Variants in PPARGC1A observed in about 807,000 individuals in gnomAD.
PPARGC1A encodes the protein peroxisome proliferator-activated receptor gamma coactivator 1-alpha.
In PPARGC1A, 25 loss-of-function variants were observed where a neutral mutation model predicts 88.7. The observed-to-expected ratio is 0.28, with a 90% CI of 0.21 to 0.39. PPARGC1A has a LOEUF of 0.39. Ranked by LOEUF, PPARGC1A falls within the 10% of genes least tolerant of loss-of-function variation. PPARGC1A has a pLI of 1.00. For synonymous variants in PPARGC1A, 363 were observed against 355.6 expected (o/e 1.02, Z -0.24); for missense variants, 880 against 968.7 (o/e 0.91, Z 1.22).
At chr4:24,357,159 C>T in the PPARGC1A span, among the ~76,000 whole-genome samples, 3 of 152,222 alleles carry the variant, frequency 2.0e-5, no homozygotes, top group African/African-American at 4.8e-5. Flanking sequence ...ACACACCTTA[C>T]ACTGGTTTCC....
chr4:24,277,027 A>G, the PPARGC1A span, among the ~76,000 whole-genome samples: 1 of 152,172 alleles, frequency 6.6e-6, no homozygotes, highest in Non-Finnish European at 1.5e-5. Flanking sequence ...AGGTCCAAAC[A>G]GGGATACCTT....
At chr4:24,387,774 A>G in the PPARGC1A span, among the ~76,000 whole-genome samples, 7,617 of 64,158 alleles carry the variant, frequency 0.12, 354 homozygotes, top group East Asian at 0.17. Context: ...GAGAGAAAGA[A>G]AGAAAGAAAG....
chr4:24,068,586 AG>A, the PPARGC1A span, among the ~76,000 whole-genome samples: 1 of 152,170 alleles, frequency 6.6e-6, no homozygotes, highest in African/African-American at 2.4e-5. Context: ...CACCACATTC[AG>A]GGTTTGTGTG....
the PPARGC1A span, among the ~76,000 whole-genome samples, chr4:24,013,535 G>A: frequency 6.6e-6 from 1 of 152,016 alleles, no homozygotes; most frequent in African/African-American, 2.4e-5. Flanking sequence ...ACCTCCCTGA[G>A]GCATGGTTTA....
chr4:24,115,896 CCA>C, the PPARGC1A span, among the ~76,000 whole-genome samples: 1 of 152,026 alleles, frequency 6.6e-6, no homozygotes, highest in African/African-American at 2.4e-5. Context: ...TTATTCAATT[CCA>C]ATCAAGAACA....
the PPARGC1A span, among the ~76,000 whole-genome samples, chr4:24,472,773 C>A: frequency 6.6e-6 from 1 of 151,862 alleles, no homozygotes; most frequent in African/African-American, 2.4e-5. This position sits in a 1 kb window ranked among gnomAD's most constrained non-coding sequence, Gnocchi z 4.5. Context: ...TGCGTGTGTG[C>A]GCGCGTGTGT....
chr4:24,000,270 A>G, the PPARGC1A span, among the ~76,000 whole-genome samples: 1 of 152,130 alleles, frequency 6.6e-6, no homozygotes, highest in East Asian at 1.9e-4. Flanking sequence ...TCCCTCTGAC[A>G]TGAATCTCAG....
At chr4:23,956,212 C>T in the PPARGC1A span, among the ~76,000 whole-genome samples, 3 of 152,074 alleles carry the variant, frequency 2.0e-5, no homozygotes, top group African/African-American at 7.2e-5. Context: ...TCAATACCTG[C>T]TCCAGACTCC....
At chr4:23,860,159 C>A in intron 2 of PPARGC1A, among the ~76,000 whole-genome samples, 1 of 151,936 alleles carries the variant, frequency 6.6e-6, no homozygotes, top group Non-Finnish European at 1.5e-5. Context: ...GTAGTCCTAG[C>A]TATATGGAAG....
chr4:24,296,157 T>A, the PPARGC1A span, among the ~76,000 whole-genome samples: 1 of 150,584 alleles, frequency 6.6e-6, no homozygotes, highest in Admixed American at 6.6e-5. Flanking sequence ...CACGATAGCT[T>A]CCCAACTATA....
chr4:24,112,611 A>G, the PPARGC1A span, among the ~76,000 whole-genome samples: 1 of 152,230 alleles, frequency 6.6e-6, no homozygotes, highest in Non-Finnish European at 1.5e-5. Flanking sequence ...AAAAAGAAAT[A>G]GACAACATCA....
the PPARGC1A span, among the ~76,000 whole-genome samples, chr4:24,213,464 C>A: frequency 2.0e-5 from 3 of 152,164 alleles, no homozygotes; most frequent in African/African-American, 7.2e-5. Flanking sequence ...CCGCGCCCGG[C>A]CGATTCTTTT....
the PPARGC1A span, among the ~76,000 whole-genome samples, chr4:24,414,016 C>T: frequency 6.6e-6 from 1 of 152,134 alleles, no homozygotes; most frequent in South Asian, 2.1e-4. Context: ...CTCGAACCCA[C>T]GGTTGTCGGT....
At chr4:24,262,106 A>G in the PPARGC1A span, among the ~76,000 whole-genome samples, 1 of 151,760 alleles carries the variant, frequency 6.6e-6, no homozygotes, top group Admixed American at 6.6e-5. Flanking sequence ...CCCAACCCCC[A>G]CCAAGTCACC....
the PPARGC1A span, among the ~76,000 whole-genome samples, chr4:24,340,479 C>G: frequency 0.19 from 28,267 of 152,008 alleles, 2,751 homozygotes; most frequent in South Asian, 0.24. Flanking sequence ...GTATAGTACT[C>G]TATTTAATTA....
At chr4:24,261,336 C>T in the PPARGC1A span, among the ~76,000 whole-genome samples, 1 of 152,132 alleles carries the variant, frequency 6.6e-6, no homozygotes, top group Non-Finnish European at 1.5e-5. Flanking sequence ...GCTCAATCTT[C>T]AGAGCCTCTG....
the PPARGC1A span, among the ~76,000 whole-genome samples, chr4:24,262,489 T>C: frequency 6.6e-6 from 1 of 152,108 alleles, no homozygotes; most frequent in Non-Finnish European, 1.5e-5. Flanking sequence ...ACACATCAAT[T>C]TTTTTAACTT....
At chr4:23,981,015 T>C in the PPARGC1A span, among the ~76,000 whole-genome samples, 5 of 152,060 alleles carry the variant, frequency 3.3e-5, no homozygotes, top group African/African-American at 1.2e-4. Context: ...TTTTCTAATA[T>C]GTAATTTCTC....
chr4:24,144,962 G>C, the PPARGC1A span, among the ~76,000 whole-genome samples: 1 of 149,854 alleles, frequency 6.7e-6, no homozygotes, highest in Non-Finnish European at 1.5e-5. Flanking sequence ...TTTAGTAAAA[G>C]TACTAACTTT....
Sources: gnomAD v4.1 joint callset for allele counts (sites outside exome capture counted in the v4.1 genomes callset) on GRCh38, gnomAD v4.1.1 for gene constraint, Gnocchi (gnomAD v3.1) non-coding constraint, MANE v1.5 for transcripts, NCBI Gene and HGNC (gene_info 2026-07-23, HGNC 2026-07-21) for gene names.